TMC5: variants seen among roughly 807,000 people sequenced by gnomAD.
The protein encoded by TMC5 is transmembrane channel-like protein 5.
A neutral mutation model predicts 110.5 loss-of-function variants in TMC5; 86 were observed. The observed-to-expected ratio is 0.78, with a 90% confidence interval of 0.65 to 0.93. TMC5 has a LOEUF of 0.93. Ranked by LOEUF, TMC5 falls within the 40% of genes least tolerant of loss-of-function variation. The pLI, the probability that TMC5 is intolerant of heterozygous loss-of-function variation, is 0.00. For synonymous variants in TMC5, 455 were observed against 439.5 expected (o/e 1.04, Z -0.44); for missense variants, 1,144 against 1,222.8 (o/e 0.94, Z 0.96).
intron 4 of TMC5, among the ~76,000 whole-genome samples, chr16:19,448,463 C>A (rs144887054): frequency 0.042 from 6,412 of 151,514 alleles, 268 homozygotes; most frequent in African/African-American, 0.1. Context: ...ACAAAAAATA[C>A]AAAATATTAG....
chr16:19,420,250 C>A (rs1966954248), intron 1 of TMC5, among the ~76,000 whole-genome samples: 1 of 151,982 alleles, frequency 6.6e-6, no homozygotes, highest in African/African-American at 2.4e-5. Context: ...CATGGTGAAA[C>A]CCTGTCTCTA....
intron 1 of TMC5, among the ~76,000 whole-genome samples, chr16:19,426,672 C>T (rs1251118525): frequency 1.3e-5 from 2 of 152,180 alleles, no homozygotes; most frequent in Non-Finnish European, 2.9e-5. Flanking sequence ...TGCTGAAGCA[C>T]AAGTAACCCA....
At chr16:19,473,877 G>T (rs1968414406) in intron 11 of TMC5, among the ~76,000 whole-genome samples, 1 of 152,118 alleles carries the variant, frequency 6.6e-6, no homozygotes, top group Non-Finnish European at 1.5e-5. Flanking sequence ...CTACTCTGGA[G>T]GCTGAGGCAG....
At chr16:19,436,225 G>A (rs936347550) in intron 2 of TMC5, among the ~76,000 whole-genome samples, 4 of 126,166 alleles carry the variant, frequency 3.2e-5, no homozygotes, top group African/African-American at 9.1e-5. Context: ...CCAAGATGGC[G>A]TCACTTAACT....
chr16:19,418,853 G>A (rs1421168090), intron 1 of TMC5, among the ~76,000 whole-genome samples: 5 of 151,486 alleles, frequency 3.3e-5, no homozygotes, highest in African/African-American at 1.2e-4. Context: ...TCAGCCTTCT[G>A]AGTAGCTGAG....
chr16:19,456,893 G>C, intron 5 of TMC5: 2 of 1,614,154 alleles, frequency 1.2e-6, no homozygotes, highest in East Asian at 4.5e-5. Context: ...CAAAAGGAAT[G>C]ACCAAAAGGG....
chr16:19,417,753 G>GT (rs1253797121), upstream of TMC5: 22 of 152,224 alleles, frequency 1.4e-4, no homozygotes, highest in African/African-American at 5.3e-4. Flanking sequence ...GAGGCCATAG[G>GT]TGCAGCTGTG....
Position 19,463,183 on chromosome 16 carries a change from G to A in TMC5, c.1149-97G>A. Reference sequence around the variant, plus strand: ...TGATCCTCTTGCCTCAGCTTCCGAAGTGTTGGGATTACAGGCATGAGCCAC... The same window carrying A: ...TGATCCTCTTGCCTCAGCTTCCGAAATGTTGGGATTACAGGCATGAGCCAC... On this transcript the variant is annotated intron_variant, in intron 6 of 21. Coordinates refer to ENST00000542583, the MANE Select transcript of TMC5 (RefSeq NM_001261841.2). The A allele has an allele frequency of 7.7e-6, 7 of 913,528 alleles. 1 individual carries two copies. In the Middle Eastern group the frequency reaches 8.5e-4, roughly 111 times the overall value. 56.6% of individuals were successfully genotyped at this position (913,528 alleles called of 1,614,324 possible). A position where few individuals can be genotyped will look rare whatever the true frequency, so the allele number is the denominator to read the frequency against.
intron 1 of TMC5, among the ~76,000 whole-genome samples, chr16:19,428,417 CGCTG>C (rs1967130955): frequency 1.3e-5 from 2 of 151,076 alleles, no homozygotes; most frequent in African/African-American, 2.4e-5. Context: ...CAAACGATTG[CGCTG>C]GCTTAGACTC....
chr16:19,462,772 C>T (rs1597192328), intron 6 of TMC5, among the ~76,000 whole-genome samples: 1 of 151,896 alleles, frequency 6.6e-6, no homozygotes, highest in South Asian at 2.1e-4. Flanking sequence ...ATGGTGGGCG[C>T]CTGTAATCCC....
chr16:19,488,874 C>A (rs1968815499), intron 17 of TMC5, among the ~76,000 whole-genome samples: 1 of 152,206 alleles, frequency 6.6e-6, no homozygotes, highest in Non-Finnish European at 1.5e-5. Context: ...GTCCCCAGAG[C>A]CTGACTAGAA....
At chr16:19,475,987 G>A (rs1251726636) in intron 12 of TMC5, among the ~76,000 whole-genome samples, 1 of 151,932 alleles carries the variant, frequency 6.6e-6, no homozygotes, top group Non-Finnish European at 1.5e-5. Context: ...GATATCATAG[G>A]TGTCCAAGAA....
intron 11 of TMC5, among the ~76,000 whole-genome samples, chr16:19,473,390 A>G (rs1193940329): frequency 2.2e-5 from 3 of 137,958 alleles, no homozygotes; most frequent in Non-Finnish European, 4.6e-5. Context: ...AACCAGCAGC[A>G]CGGGCTAGCA....
intron 1 of TMC5, among the ~76,000 whole-genome samples, chr16:19,418,327 G>A (rs146958486): frequency 6.6e-6 from 1 of 152,272 alleles, no homozygotes; most frequent in Non-Finnish European, 1.5e-5. Context: ...GCTTGAGTTG[G>A]AATCTGGGCT....
At chr16:19,465,111 TCCTCCCTC>T (rs57788374) in intron 8 of TMC5, among the ~76,000 whole-genome samples, 26 of 42,290 alleles carry the variant, frequency 6.1e-4, no homozygotes, top group African/African-American at 1.5e-3. Context: ...CTTCCTTCCT[TCCTCCCTC>T]CCTCCCTCCC....
chr16:19,473,761 C>T (rs965780000), intron 11 of TMC5, among the ~76,000 whole-genome samples: 1 of 152,140 alleles, frequency 6.6e-6, no homozygotes, highest in Non-Finnish European at 1.5e-5. Context: ...GGATGGATCA[C>T]CTGAGGTCGG....
chr16:19,444,903 G>A (rs1427893392), intron 4 of TMC5, among the ~76,000 whole-genome samples: 2 of 152,190 alleles, frequency 1.3e-5, no homozygotes, highest in Non-Finnish European at 2.9e-5. Context: ...GGTCGAGGCG[G>A]GCAGATCACC....
At chr16:19,456,911 G>C in intron 5 of TMC5, 1 of 1,614,176 alleles carries the variant, frequency 6.2e-7, no homozygotes. Context: ...GGGTAACCAG[G>C]TGCTGCGGTT....
chr16:19,438,977 A>G (rs186209943), intron 2 of TMC5, among the ~76,000 whole-genome samples: 1 of 152,340 alleles, frequency 6.6e-6, no homozygotes, highest in East Asian at 1.9e-4. Context: ...ACATAGAAAA[A>G]ATGGAAGTGA....
Sources: allele counts gnomAD v4.1 joint callset (sites outside exome capture counted in the v4.1 genomes callset), GRCh38; gene constraint gnomAD v4.1.1; transcripts MANE v1.5; gene names NCBI Gene and HGNC (gene_info 2026-07-23, HGNC 2026-07-21).